Variants in RABGAP1 observed in about 807,000 individuals in gnomAD.
RABGAP1 encodes RAB GTPase activating protein 1.
A neutral mutation model predicts 137.6 loss-of-function variants in RABGAP1; 23 were observed. The ratio of observed to expected loss-of-function variants is 0.17; its 90% CI spans 0.12 to 0.24. RABGAP1 has a LOEUF of 0.24. RABGAP1 is among the 10% of genes least tolerant of loss of function. RABGAP1 has a pLI of 1.00. For synonymous variants in RABGAP1, 451 were observed against 450.7 expected (o/e 1.00, Z -0.01); for missense variants, 906 against 1,275.8 (o/e 0.71, Z 4.42).
At chr9:123,006,955 CCCT>C (rs1397820699) in intron 10 of RABGAP1, among the ~76,000 whole-genome samples, 1 of 151,976 alleles carries the variant, frequency 6.6e-6, no homozygotes, top group African/African-American at 2.4e-5. Flanking sequence ...GGTCTACCTT[CCCT>C]CCTCAAATAC....
chr9:123,068,280 G>A (rs1051154442), intron 14 of RABGAP1, among the ~76,000 whole-genome samples: 8 of 150,652 alleles, frequency 5.3e-5, no homozygotes, highest in African/African-American at 2.0e-4. Flanking sequence ...AACCTGAGAG[G>A]CAGAGGTTGC....
chr9:123,015,691 G>A (rs1037433073), intron 12 of RABGAP1, 55 bp downstream of exon 12: 6 of 1,226,998 alleles, frequency 4.9e-6, no homozygotes, highest in Non-Finnish European at 7.1e-6. Context: ...TATGGGTAGA[G>A]AATCTTACCT....
At chr9:123,081,557 C>G (rs2034708073) in intron 19 of RABGAP1, among the ~76,000 whole-genome samples, 1 of 152,148 alleles carries the variant, frequency 6.6e-6, no homozygotes, top group South Asian at 2.1e-4. Context: ...CCATGTCAGC[C>G]TCTCAAGTAG....
chr9:123,099,942 C>G (rs1450319129), intron 24 of RABGAP1, among the ~76,000 whole-genome samples: 2 of 152,136 alleles, frequency 1.3e-5, no homozygotes, highest in African/African-American at 2.4e-5. Flanking sequence ...TGAGTTCATG[C>G]CTTCTGCTGT....
In RABGAP1 at chr9:123,076,687, T is replaced by A. The variant is rs140106360; in HGVS notation, c.2349T>A (p.Phe783Leu). ...ACTTTGAAGGTGCCTTGAAGTTCTT[T>A]AGGGTTCAGCTTCCTAAGAGATACC... ...LTDFEGALKF[F>L]RVQLPKRYRS... is the part of the protein sequence containing the mutation. The change falls in exon 19 of 26, where the codon TTT (phenylalanine) becomes TTA (leucine). Residue 783 changes from phenylalanine (F) to leucine (L), a missense_variant. Phe to Leu is a conservative substitution (Grantham distance 22, BLOSUM62 0). Around this residue, in one of 9 missense-constraint regions of RABGAP1, gnomAD observed 77 missense variants for 105.6 expected, o/e 0.73. Transcript: ENST00000373647. 1.2e-6 allele frequency: 2 copies of A among 1,610,096 alleles called. No individual in the cohort carries two copies. Among genetic ancestry groups the A allele is most frequent in the East Asian group, 2.2e-5 (1 of 44,590 alleles).
chr9:123,008,377 C>T (rs1478678476), intron 10 of RABGAP1, among the ~76,000 whole-genome samples: 1 of 151,894 alleles, frequency 6.6e-6, no homozygotes, highest in Non-Finnish European at 1.5e-5. Context: ...AACCCCGTCT[C>T]CACTAAAAAT....
intron 13 of RABGAP1, among the ~76,000 whole-genome samples, chr9:123,043,400 A>G (rs1232514055): frequency 6.6e-6 from 1 of 152,192 alleles, no homozygotes; most frequent in Non-Finnish European, 1.5e-5. Flanking sequence ...CACCATGGTG[A>G]GAAGAATTTA....
intron 13 of RABGAP1, among the ~76,000 whole-genome samples, chr9:123,043,900 CTTTTT>C (rs1186243080): frequency 2.3e-5 from 3 of 129,402 alleles, no homozygotes; most frequent in Non-Finnish European, 5.0e-5. Context: ...GTATTATTTT[CTTTTT>C]TTTTTTTTTT....
chr9:123,086,879 C>A (rs955011394), intron 19 of RABGAP1, among the ~76,000 whole-genome samples: 1 of 152,086 alleles, frequency 6.6e-6, no homozygotes, highest in African/African-American at 2.4e-5. Context: ...TAAATGAAGA[C>A]CATCAGCTAG....
intron 2 of RABGAP1, among the ~76,000 whole-genome samples, chr9:122,962,028 T>A (rs778760564): frequency 3.2e-4 from 48 of 152,124 alleles, no homozygotes; most frequent in Non-Finnish European, 5.6e-4. Context: ...TATATAAAAT[T>A]ATATAAAGTA....
intron 13 of RABGAP1, among the ~76,000 whole-genome samples, chr9:123,021,304 A>C (rs1359547489): frequency 6.6e-6 from 1 of 151,422 alleles, no homozygotes; most frequent in Non-Finnish European, 1.5e-5. Flanking sequence ...AAAAAAAAAA[A>C]AAAAACCTTA....
intron 10 of RABGAP1, among the ~76,000 whole-genome samples, chr9:123,006,702 G>A (rs944547881): frequency 1.3e-5 from 2 of 152,106 alleles, no homozygotes; most frequent in Admixed American, 6.6e-5. Flanking sequence ...CCACCTCCCT[G>A]GTTCAAGCAA....
At chr9:123,043,502 AAT>A (rs2033051365) in intron 13 of RABGAP1, among the ~76,000 whole-genome samples, 1 of 152,216 alleles carries the variant, frequency 6.6e-6, no homozygotes, top group Non-Finnish European at 1.5e-5. Context: ...TTCAGAAAAA[AAT>A]AGAAAATTGA....
chr9:122,953,350 A>C (rs949049057), intron 1 of RABGAP1, among the ~76,000 whole-genome samples: 1 of 151,804 alleles, frequency 6.6e-6, no homozygotes, highest in Non-Finnish European at 1.5e-5. Context: ...CATTACCTCT[A>C]TGGAAACTGA....
chr9:122,989,218 G>A (rs1836535209), intron 4 of RABGAP1, 79 bp from the exon 5 acceptor site: 2 of 1,261,176 alleles, frequency 1.6e-6, no homozygotes, highest in Middle Eastern at 2.7e-4. Context: ...TAGAAAGAAT[G>A]AGTCTCACAT....
chr9:123,072,275 C>T (rs1309636462), intron 15 of RABGAP1, among the ~76,000 whole-genome samples: 1 of 152,070 alleles, frequency 6.6e-6, no homozygotes, highest in Non-Finnish European at 1.5e-5. Flanking sequence ...AAACAAAAAC[C>T]ACTTTGGTTT....
intron 24 of RABGAP1, 92 bp from the exon 25 acceptor site, chr9:123,101,474 C>T (rs1294457465): frequency 7.4e-6 from 9 of 1,220,070 alleles, no homozygotes; most frequent in East Asian, 5.2e-5. Context: ...ACAGAGAAGC[C>T]GTCTCTTGGT....
chr9:123,010,258 C>A (rs985225707), intron 10 of RABGAP1, 96 bp from the exon 11 acceptor site: 6 of 1,110,136 alleles, frequency 5.4e-6, no homozygotes, highest in African/African-American at 4.7e-5. Context: ...TGCAGTGAGC[C>A]GAGATCACTG....
chr9:122,945,147 C>CTTTTTTTTTTTTTTTTTT (rs202090815), intron 1 of RABGAP1, among the ~76,000 whole-genome samples: 9,475 of 75,430 alleles, frequency 0.13, 3,611 homozygotes, highest in South Asian at 0.22. Flanking sequence ...ATAGCTGTTG[C>CTTTTTTTTTTTTTTTTTT]TTTTTTTTTT....
Sources: gnomAD v4.1 joint callset for allele counts (sites outside exome capture counted in the v4.1 genomes callset) on GRCh38, gnomAD v4.1.1 for gene constraint, gnomAD v4.1.1 regional missense constraint, MANE v1.5 for transcripts, NCBI Gene and HGNC (gene_info 2026-07-23, HGNC 2026-07-21) for gene names.